PRODH2: variants seen among roughly 807,000 people sequenced by gnomAD.
PRODH2 encodes the protein proline dehydrogenase 2, also known as hydroxyproline dehydrogenase.
A neutral mutation model predicts 51.9 loss-of-function variants in PRODH2; 49 were observed. The observed-to-expected ratio is 0.94, with a 90% CI of 0.75 to 1.20. The LOEUF (loss-of-function observed/expected upper bound fraction) is 1.20. Ranked by LOEUF, PRODH2 falls within the 50% of genes most tolerant of loss-of-function variation. The pLI, the probability that PRODH2 is intolerant of heterozygous loss-of-function variation, is 0.00. For missense variants in PRODH2, 597 were observed against 610.9 expected, an observed-to-expected ratio of 0.98 and a Z score of 0.24; for synonymous variants, 249 against 260.7, an observed-to-expected ratio of 0.96 and a Z score of 0.43.
chr19:35,801,730 T>A (rs978274323), intron 9 of PRODH2: 12 of 161,388 alleles, frequency 7.4e-5, no homozygotes, highest in African/African-American at 2.4e-4. Flanking sequence ...CTTCCCCCAG[T>A]CCCAGGAAAT....
At chr19:35,810,415 G>T (rs1972590659) in intron 4 of PRODH2, among the ~76,000 whole-genome samples, 2 of 152,014 alleles carry the variant, frequency 1.3e-5, no homozygotes, top group Admixed American at 1.3e-4. Context: ...GTTCACCCCA[G>T]GAGAGGTAAA....
At chr19:35,807,316 T>A (rs75255027) in intron 4 of PRODH2, among the ~76,000 whole-genome samples, 195 bp from the exon 5 acceptor site, 4,586 of 152,278 alleles carry the variant, frequency 0.03, 232 homozygotes, top group African/African-American at 0.1. Flanking sequence ...GTTTGTTTGT[T>A]TTTTGAAACA....
rs771611300 is a variant in PRODH2 at position 35,812,766 on chromosome 19, G to C, written c.40C>G (p.Pro14Ala). 3.1e-6 allele frequency: 5 copies of C among 1,607,800 alleles called. 1 individual carries two copies. The South Asian group carries it at 5.5e-5, about 18-fold the overall frequency. Residue 14 changes from proline (P) to alanine (A), a missense_variant, in exon 1 of 10, where the codon CCC becomes GCC. Transcript: ENST00000653904. ...TCYVLCSQAG[P>A]PSRGWQSLSF... Reference sequence around the variant, plus strand: ...AGGGACTGCCAGCCCCTGGAGGGGGGACCAGCTTGGGAACAGAGCACGTAA... The same window carrying C: ...AGGGACTGCCAGCCCCTGGAGGGGGCACCAGCTTGGGAACAGAGCACGTAA...
intron 9 of PRODH2, 127 bp downstream of exon 9, chr19:35,802,064 A>G (rs754290944): frequency 2.4e-6 from 2 of 832,520 alleles, no homozygotes; most frequent in Non-Finnish European, 4.1e-6. Flanking sequence ...AGGCCCACAG[A>G]CACTGGAATG....
At chr19:35,809,634 C>G (rs1972569249) in intron 4 of PRODH2, among the ~76,000 whole-genome samples, 1 of 152,102 alleles carries the variant, frequency 6.6e-6, no homozygotes, top group Non-Finnish European at 1.5e-5. Flanking sequence ...ACCATGAAAT[C>G]TTGTTTCTAT....
Position 35,800,204 on chromosome 19 carries a change from A to T in PRODH2, c.1217T>A (p.Val406Glu). Residue 406 changes from valine (V) to glutamate (E), a missense_variant, in exon 10 of 10, where the codon GTG (valine) becomes GAG (glutamate). Physicochemically the swap from Val to Glu is moderately radical, Grantham distance 121. Coordinates refer to ENST00000653904, the MANE Select transcript of PRODH2 (RefSeq NM_021232.2). ...GGAGCCATAGGGAATGGACTTATACACTACATAGCCGGCCTGCCCTGCAGG... is the reference window on the plus strand; with the variant it reads ...GGAGCCATAGGGAATGGACTTATACTCTACATAGCCGGCCTGCCCTGCAGG... Reference protein sequence around the residue: ...SLALGQAGYVVYKSIPYGSLE... With the variant: ...SLALGQAGYVEYKSIPYGSLE... 4 of 1,586,356 alleles carry T rather than the reference A, an allele frequency of 2.5e-6. No homozygotes were observed. The highest frequency in any genetic ancestry group is 3.4e-6 in the Non-Finnish European group (4 of 1,166,614).
intron 4 of PRODH2, among the ~76,000 whole-genome samples, chr19:35,809,218 C>A (rs896461113): frequency 6.6e-6 from 1 of 151,898 alleles, no homozygotes; most frequent in Non-Finnish European, 1.5e-5. Flanking sequence ...CTTAGCCTCC[C>A]AAGTAGCCAG....
In PRODH2 at chr19:35,807,095, A is replaced by C; in HGVS notation, c.624T>G (p.Ala208=). ...AGGCCCGGAGGTGCTGGTTCTGCTC[A>C]GCATTGAGGCAGGAGACCTGGAGGT... is the stretch of plus-strand genomic sequence containing the variant. ...GQNLQVSCLN[A]EQNQHLRASL... is the part of the protein sequence containing the mutation. Residue 208 remains alanine (A), a synonymous_variant, in exon 5 of 10, where the codon GCT becomes GCG. Transcript: ENST00000653904. 1 of 1,552,698 alleles carries C rather than the reference A, an allele frequency of 6.4e-7. No homozygotes were observed. Among genetic ancestry groups the C allele is most frequent in the East Asian group, 2.4e-5 (1 of 41,150 alleles).
chr19:35,810,227 C>CCTGGG (rs1972586576), intron 4 of PRODH2, among the ~76,000 whole-genome samples: 1 of 148,608 alleles, frequency 6.7e-6, no homozygotes, highest in Non-Finnish European at 1.5e-5. Context: ...CCACTGCACT[C>CCTGGG]CAGCCTGGGC....
rs771614678 is a variant in PRODH2 at position 35,812,009 on chromosome 19, A to T, written c.550T>A (p.Leu184Met). 3 of 1,614,076 alleles carry T rather than the reference A, an allele frequency of 1.9e-6. No individual in the cohort carries two copies. The East Asian group carries it at 6.7e-5, about 36-fold the overall frequency. ...GCCAGCCTCTCGGGGCTCAGCTCCA[A>T]GGAGGCTCCTGGCCTTCTGACCCAC... ...ASWVRRPGAS[L>M]ELSPERLAEA... The change falls in exon 4 of 10, where the codon TTG becomes ATG. Residue 184 changes from leucine to methionine, a missense_variant. By Grantham distance (15) the Leu-to-Met change is conservative. Coordinates refer to ENST00000653904, the MANE Select transcript of PRODH2 (RefSeq NM_021232.2).
At chr19:35,805,700 G>A (rs950180956) in intron 7 of PRODH2, among the ~76,000 whole-genome samples, 1 of 152,200 alleles carries the variant, frequency 6.6e-6, no homozygotes, top group East Asian at 1.9e-4. Flanking sequence ...GCACACCACT[G>A]TGCCTGGCTT....
At chr19:35,806,226 C>G (rs2024202999) in intron 7 of PRODH2, among the ~76,000 whole-genome samples, 1 of 152,096 alleles carries the variant, frequency 6.6e-6, no homozygotes, top group Admixed American at 6.6e-5. Flanking sequence ...GCTGGAACCA[C>G]AGGCATGTGC....
At position 35,812,748 on chromosome 19, in the gene PRODH2, G is replaced by A. The variant is rs1568444209; in HGVS notation, c.58C>T (p.Gln20Ter). Residue 20 changes from glutamine (Q) to a stop codon, truncating the protein, a stop_gained, in exon 1 of 10, where the codon CAG becomes TAG. Transcript: ENST00000653904. LOFTEE classifies it high-confidence loss of function. ...SQAGPPSRGWQSLSFDGGAFH... is the reference protein window; with the variant it reads ...SQAGPPSRGW Reference sequence around the variant, plus strand: ...GCCCCGCCATCAAAGCTCAGGGACTGCCAGCCCCTGGAGGGGGGACCAGCT... The same window carrying A: ...GCCCCGCCATCAAAGCTCAGGGACTACCAGCCCCTGGAGGGGGGACCAGCT... The A allele has an allele frequency of 6.2e-7, 1 of 1,610,602 alleles. No homozygotes were observed. The highest frequency in any genetic ancestry group is 8.5e-7 in the Non-Finnish European group (1 of 1,177,732).
chr19:35,807,092 C>T lies in PRODH2; in HGVS notation c.627G>A (p.Glu209=). The change falls in exon 5 of 10, where the codon GAG becomes GAA. Residue 209 remains glutamate, a synonymous_variant. Coordinates refer to ENST00000653904, the MANE Select transcript of PRODH2 (RefSeq NM_021232.2). The part of the protein sequence containing the change: ...QNLQVSCLNA[E]QNQHLRASLS... Reference sequence around the variant, plus strand: ...GGGAGGCCCGGAGGTGCTGGTTCTGCTCAGCATTGAGGCAGGAGACCTGGA... The same window carrying T: ...GGGAGGCCCGGAGGTGCTGGTTCTGTTCAGCATTGAGGCAGGAGACCTGGA... The T allele has an allele frequency of 1.3e-6, 2 of 1,552,664 alleles. No homozygotes were observed. The highest frequency in any genetic ancestry group is 2.4e-5 in the East Asian group (1 of 41,132).
rs545257521 is a variant in PRODH2, at chr19:35,800,281, G to A, written c.1199-59C>T. The A allele has an allele frequency of 3.2e-4, 461 of 1,429,522 alleles. No individual in the cohort carries two copies. In the African/African-American group the frequency reaches 3.8e-3, roughly 12 times the overall value. 88.6% of individuals were successfully genotyped at this position (1,429,522 alleles called of 1,614,324 possible). On this transcript the variant is annotated intron_variant, in intron 9 of 9. Coordinates refer to ENST00000653904, the MANE Select transcript of PRODH2 (RefSeq NM_021232.2). ...TGGTGTTTTTCTGAGACAGAGTCTCGCTCTGTTGCCCAGGCTGGAGTGCAG... is the reference window on the plus strand; with the variant it reads ...TGGTGTTTTTCTGAGACAGAGTCTCACTCTGTTGCCCAGGCTGGAGTGCAG...
intron 3 of PRODH2, 38 bp from the exon 4 acceptor site, chr19:35,812,086 C>T (rs945323115): frequency 8.1e-6 from 13 of 1,613,670 alleles, no homozygotes; most frequent in East Asian, 4.5e-5. Flanking sequence ...GAGGGGAGCC[C>T]GATGGGCAGC....
intron 4 of PRODH2, among the ~76,000 whole-genome samples, chr19:35,810,296 A>G (rs1972588557): frequency 6.8e-6 from 1 of 147,196 alleles, no homozygotes; most frequent in African/African-American, 2.6e-5. Flanking sequence ...ATAATAAATA[A>G]ATAGATAAAC....
intron 4 of PRODH2, among the ~76,000 whole-genome samples, chr19:35,809,919 A>G (rs2146787934): frequency 8.3e-6 from 1 of 120,668 alleles, no homozygotes; most frequent in Admixed American, 1.1e-4. Flanking sequence ...AGATCGCACC[A>G]CTGCACTCCA....
intron 8 of PRODH2, 46 bp downstream of exon 8, chr19:35,802,922 G>C (rs1329388410): frequency 7.4e-7 from 1 of 1,345,532 alleles, no homozygotes; most frequent in African/African-American, 1.5e-5. Context: ...GGAAGGGAGG[G>C]CCCTTTTGTG....
Sources: gnomAD v4.1 joint callset for allele counts (sites outside exome capture counted in the v4.1 genomes callset) on GRCh38, gnomAD v4.1.1 for gene constraint, MANE v1.5 for transcripts, NCBI Gene and HGNC (gene_info 2026-07-23, HGNC 2026-07-21) for gene names.